The following MMEL1 variants were observed in gnomAD, a reference collection of about 807,000 sequenced individuals.
MMEL1 encodes the protein membrane metalloendopeptidase like 1.
MMEL1 carries 98 observed loss-of-function variants against 117.1 expected under a neutral mutation model. That is an observed-to-expected ratio of 0.84 (90% CI 0.71 to 0.99). MMEL1 has a LOEUF of 0.99. Among genes scored for constraint, MMEL1 ranks in the 50% least tolerant of loss-of-function variants. MMEL1 has a pLI of 0.00. For synonymous variants in MMEL1, 390 were observed against 415.1 expected (o/e 0.94, Z 0.74); for missense variants, 1,014 against 1,049.1 (o/e 0.97, Z 0.46).
rs1645142325 is a variant in MMEL1 at position 2,612,242 on chromosome 1, C to T, written c.155-38G>A. The T allele has an allele frequency of 6.5e-7, 1 of 1,538,994 alleles. No individual in the cohort carries two copies. The highest frequency in any genetic ancestry group is 8.8e-7 in the Non-Finnish European group (1 of 1,134,904). ...ACAGCGCTCAGCTGCGGCCTCCTGCCTGCAGCTCCCTGGGGGTGCTGGGGG... is the reference window on the plus strand; with the variant it reads ...ACAGCGCTCAGCTGCGGCCTCCTGCTTGCAGCTCCCTGGGGGTGCTGGGGG... On this transcript the variant is annotated intron_variant, in intron 2 of 23. Transcript: ENST00000378412. The surrounding 1 kb of genome is among the most constrained non-coding windows in gnomAD (Gnocchi z 5.4).
intron 2 of MMEL1, among the ~76,000 whole-genome samples, chr1:2,619,293 T>A (rs1223705024): frequency 2.0e-5 from 3 of 152,158 alleles, no homozygotes; most frequent in Non-Finnish European, 4.4e-5. Context: ...TGCCAGTGAG[T>A]GTTGGGCTGG....
intron 12 of MMEL1, 87 bp from the exon 13 acceptor site, chr1:2,598,387 C>T (rs923265034): frequency 1.7e-5 from 24 of 1,380,320 alleles, no homozygotes; most frequent in African/African-American, 7.1e-5. Flanking sequence ...TTGGCCAGCA[C>T]GTTCCACCCC....
Position 2,596,688 on chromosome 1 carries a change from G to A in MMEL1, c.1274C>T (p.Ala425Val), listed in dbSNP as rs771001611. The A allele has an allele frequency of 2.4e-5, 38 of 1,611,952 alleles. No individual in the cohort carries two copies. Among genetic ancestry groups the A allele is most frequent in the Non-Finnish European group, 3.0e-5 (35 of 1,179,698 alleles). ...CTCCTCCACCATTGTGCCAAACAGCGCCTGGTGGGGCCACCCGATCATCCC... is the reference window on the plus strand; with the variant it reads ...CTCCTCCACCATTGTGCCAAACAGCACCTGGTGGGGCCACCCGATCATCCC... ...FKDTRVNYRK[A>V]LFGTMVEEVR... The change falls in exon 14 of 24, where the codon GCG becomes GTG. Residue 425 changes from alanine (A) to valine (V), a missense_variant and splice_region_variant. By Grantham distance (64) the Ala-to-Val change is moderately conservative. Coordinates refer to ENST00000378412, the MANE Select transcript of MMEL1 (RefSeq NM_033467.4).
intron 13 of MMEL1, among the ~76,000 whole-genome samples, chr1:2,597,022 C>T (rs1644853803): frequency 6.6e-6 from 1 of 152,118 alleles, no homozygotes; most frequent in South Asian, 2.1e-4. Flanking sequence ...AGGCACAGGG[C>T]TGGCGCTGAC....
chr1:2,606,933 C>G (rs1439803038), intron 7 of MMEL1, 41 bp downstream of exon 7: 3 of 1,567,816 alleles, frequency 1.9e-6, no homozygotes, highest in Middle Eastern at 1.8e-4. Flanking sequence ...TCCTGGTCCT[C>G]CTTTGTCTGT....
chr1:2,592,774 C>A, intron 20 of MMEL1, 54 bp from the exon 21 acceptor site: 1 of 1,610,682 alleles, frequency 6.2e-7, no homozygotes, highest in South Asian at 1.1e-5. Flanking sequence ...CCCTCTCCCT[C>A]AGGGCCAGGG....
In MMEL1 at chr1:2,594,400, T is replaced by C. The variant is rs2100928495; in HGVS notation, c.1732A>G (p.Asn578Asp). The C allele has an allele frequency of 1.3e-6, 2 of 1,551,684 alleles. No homozygotes were observed. The highest frequency in any genetic ancestry group is 2.4e-5 in the East Asian group (1 of 41,028). ...AGGAACTTACCAATCTGGTTTCGGTTTGGGGAGTAGAACGCATTGACCACC... is the reference window on the plus strand; with the variant it reads ...AGGAACTTACCAATCTGGTTTCGGTCTGGGGAGTAGAACGCATTGACCACC... ...AAVVNAFYSP[N>D]RNQIVFPAGI... is the part of the protein sequence containing the mutation. Residue 578 changes from asparagine to aspartate, a missense_variant, in exon 18 of 24, where the codon AAC (asparagine) becomes GAC (aspartate). Asn to Asp is a conservative substitution (Grantham distance 23). Coordinates refer to ENST00000378412, the MANE Select transcript of MMEL1 (RefSeq NM_033467.4).
In MMEL1 at chr1:2,595,715, C is replaced by A. The variant is rs1428844495; in HGVS notation, c.1500+294G>T. Among the ~76,000 whole-genome samples the A allele has an allele frequency of 6.6e-6, 1 of 152,160 alleles. No individual in the cohort carries two copies. The highest frequency in any genetic ancestry group is 2.4e-5 in the African/African-American group (1 of 41,440). On this transcript the variant is annotated intron_variant, in intron 15 of 23. Coordinates refer to ENST00000378412, the MANE Select transcript of MMEL1 (RefSeq NM_033467.4). The surrounding 1 kb of genome is among the most constrained non-coding windows in gnomAD (Gnocchi z 4.8). The stretch of plus-strand genomic sequence containing the variant: ...CTGACCCTTGCTCCCGAGGCCACCG[C>A]TACCCCCGCTGGCTCATGGGGGGTG...
chr1:2,611,922 G>A (rs568900555), intron 3 of MMEL1, among the ~76,000 whole-genome samples: 1 of 152,156 alleles, frequency 6.6e-6, no homozygotes, highest in Non-Finnish European at 1.5e-5. Flanking sequence ...GAGCAGGTGC[G>A]GAGTGTCCAC....
At position 2,610,207 on chromosome 1, in the gene MMEL1, C is replaced by T. The variant is rs531911993; in HGVS notation, c.293-376G>A. On this transcript the variant is annotated intron_variant, in intron 4 of 23. Coordinates refer to ENST00000378412, the MANE Select transcript of MMEL1 (RefSeq NM_033467.4). ...AGATGTGTGTCTCCTCTCCCGAATG[C>T]CTTTTTAAAAAATTTATTTTAGAAC... Among the ~76,000 whole-genome samples, 12 of 152,162 alleles carry T rather than the reference C, an allele frequency of 7.9e-5. No individual in the cohort carries two copies. The East Asian group carries it at 1.4e-3, about 17-fold the overall frequency.
At chr1:2,609,925 G>T in intron 4 of MMEL1, 94 bp from the exon 5 acceptor site, 10 of 1,405,186 alleles carry the variant, frequency 7.1e-6, no homozygotes, top group Non-Finnish European at 8.7e-6. Context: ...ACACAGCCTG[G>T]TCCCTTGGGA....
chr1:2,604,135 C>CCCCCCCCAAACCAGG lies in MMEL1; in HGVS notation c.951+11_951+12insCCTGGTTTGGGGGGG. On this transcript the variant is annotated intron_variant, in intron 10 of 23. Transcript: ENST00000378412. ...CTCGCTGCCCGCTCCCCACCCGCCC[C>CCCCCCCCAAACCAGG]GGCCCCCTTACCTTGGCCAGCTGTG... 1 of 1,520,166 alleles carries CCCCCCCCAAACCAGG rather than the reference C, an allele frequency of 6.6e-7. No homozygotes were observed. The highest frequency in any genetic ancestry group is 9.1e-7 in the Non-Finnish European group (1 of 1,100,358). 94.2% of individuals were successfully genotyped at this position (1,520,166 alleles called of 1,614,324 possible).
chr1:2,612,015 G>T lies in MMEL1; in HGVS notation c.232+112C>A. ...GTCCTCTCCCCATGGCCCTCCTCCG[G>T]CACATGAGGGTTGGGCAGAACCCAG... On this transcript the variant is annotated intron_variant, in intron 3 of 23. Transcript: ENST00000378412. The surrounding 1 kb of genome is among the most constrained non-coding windows in gnomAD (Gnocchi z 5.4). 1.1e-6 allele frequency: 1 copy of T among 923,770 alleles called. No homozygotes were observed. The highest frequency in any genetic ancestry group is 1.7e-6 in the Non-Finnish European group (1 of 588,088). The allele number at this position is 923,770 out of a possible 1,614,324, so 57.2% of individuals were successfully genotyped here.
intron 2 of MMEL1, among the ~76,000 whole-genome samples, chr1:2,622,849 G>A (rs1311697786): frequency 1.4e-5 from 2 of 139,836 alleles, no homozygotes; most frequent in African/African-American, 5.5e-5. Flanking sequence ...GTGTCACTTC[G>A]CTCCAGCCTG....
At position 2,595,505 on chromosome 1, in the gene MMEL1, G is replaced by A; in HGVS notation, c.1501-146C>T. 1.5e-6 allele frequency: 1 copy of A among 682,418 alleles called. No homozygotes were observed. Among genetic ancestry groups the A allele is most frequent in the Non-Finnish European group, 2.6e-6 (1 of 388,100 alleles). The allele number at this position is 682,418 out of a possible 1,614,324, so 42.3% of individuals were successfully genotyped here. Reference sequence around the variant, plus strand: ...CCCTGTCCTGTGGTGAGGGGCTGGGGGGCTCCGGGATCTGGCCCCCACCTT... The same window carrying A: ...CCCTGTCCTGTGGTGAGGGGCTGGGAGGCTCCGGGATCTGGCCCCCACCTT... On this transcript the variant is annotated intron_variant, in intron 15 of 23. Transcript: ENST00000378412. This position sits in a 1 kb window ranked among gnomAD's most constrained non-coding sequence, Gnocchi z 4.8.
chr1:2,629,133 C>T (rs1040466581), intron 2 of MMEL1, among the ~76,000 whole-genome samples, 198 bp downstream of exon 2: 13 of 152,106 alleles, frequency 8.5e-5, no homozygotes, highest in African/African-American at 2.4e-4. Context: ...CCGCGGGCTC[C>T]CTGCAGGTCA....
intron 2 of MMEL1, among the ~76,000 whole-genome samples, chr1:2,617,013 C>T (rs1032398863): frequency 6.6e-6 from 1 of 152,210 alleles, no homozygotes; most frequent in Non-Finnish European, 1.5e-5. Context: ...TCCGTGTCGT[C>T]CCTTAACTTA....
At chr1:2,598,055 G>C (rs1251404923) in intron 13 of MMEL1, 152 bp downstream of exon 13, 2 of 678,670 alleles carry the variant, frequency 2.9e-6, no homozygotes, top group Admixed American at 2.4e-5. Context: ...TGACTGTCAT[G>C]GTCCACTCCC....
intron 11 of MMEL1, among the ~76,000 whole-genome samples, chr1:2,600,317 A>G (rs1347678799): frequency 6.6e-6 from 1 of 152,066 alleles, no homozygotes; most frequent in African/African-American, 2.4e-5. Flanking sequence ...TTTAATGTCT[A>G]CTATTATGAC....
Sources: allele counts gnomAD v4.1 joint callset (sites outside exome capture counted in the v4.1 genomes callset), GRCh38; gene constraint gnomAD v4.1.1; non-coding constraint Gnocchi (gnomAD v3.1); transcripts MANE v1.5; gene names NCBI Gene and HGNC (gene_info 2026-07-23, HGNC 2026-07-21).